The following KIDINS220 variants were observed in gnomAD, a reference collection of about 807,000 sequenced individuals.
KIDINS220 encodes kinase D-interacting substrate of 220 kDa.
Under a neutral mutation model 157.6 loss-of-function variants are expected in KIDINS220, and 63 were observed. The ratio of observed to expected loss-of-function variants is 0.40; its 90% CI spans 0.33 to 0.49. KIDINS220 has a LOEUF of 0.49. Ranked by LOEUF, KIDINS220 falls within the 20% of genes least tolerant of loss-of-function variation. The pLI, the probability that KIDINS220 is intolerant of heterozygous loss-of-function variation, is 0.66. For missense variants in KIDINS220, 1,772 were observed against 2,171.2 expected (o/e 0.82, Z 3.65); for synonymous variants, 732 against 783.6 (o/e 0.93, Z 1.10).
At chr2:8,777,140 A>G (rs1671075203) in intron 20 of KIDINS220, among the ~76,000 whole-genome samples, 1 of 152,212 alleles carries the variant, frequency 6.6e-6, no homozygotes. Context: ...TTACAGTGGT[A>G]CAGTTAGAGG....
intron 21 of KIDINS220, among the ~76,000 whole-genome samples, chr2:8,772,440 C>T (rs1670353564): frequency 6.6e-6 from 1 of 151,764 alleles, no homozygotes; most frequent in South Asian, 2.1e-4. Flanking sequence ...CACACCACCG[C>T]ACTCCAGCCT....
intron 25 of KIDINS220, 178 bp from the exon 26 acceptor site, chr2:8,747,379 T>C: frequency 1.7e-6 from 1 of 584,496 alleles, no homozygotes; most frequent in Non-Finnish European, 3.0e-6. Context: ...ACTATTACTT[T>C]TATCATCAGG....
intron 22 of KIDINS220, among the ~76,000 whole-genome samples, chr2:8,769,292 C>T (rs1003070316): frequency 2.0e-5 from 3 of 152,180 alleles, no homozygotes; most frequent in African/African-American, 7.2e-5. Context: ...CCCAAGTTTA[C>T]AAATTTCTTG....
chr2:8,756,159 T>G (rs1357680481), intron 22 of KIDINS220, among the ~76,000 whole-genome samples: 1 of 152,234 alleles, frequency 6.6e-6, no homozygotes, highest in Non-Finnish European at 1.5e-5. Context: ...TTTAGCAATT[T>G]TTTTAAGTTG....
chr2:8,746,588 T>C (rs951819049), intron 26 of KIDINS220: 1 of 151,994 alleles, frequency 6.6e-6, no homozygotes, highest in African/African-American at 2.4e-5. Flanking sequence ...AAAATTTATT[T>C]TAACAAATAT....
intron 27 of KIDINS220, 23 bp from the exon 28 acceptor site, chr2:8,734,776 A>AATTTTGTTTGCC: frequency 6.6e-7 from 1 of 1,505,222 alleles, no homozygotes; most frequent in Admixed American, 1.7e-5. Flanking sequence ...TAAAACAATT[A>AATTTTGTTTGCC]TGGGTATAAA....
chr2:8,744,808 C>G (rs1017553751), intron 26 of KIDINS220, among the ~76,000 whole-genome samples: 16 of 151,868 alleles, frequency 1.1e-4, no homozygotes. Flanking sequence ...TTCTAGGCTT[C>G]GACAAAACAA....
At chr2:8,748,412 A>G (rs1299250411) in intron 24 of KIDINS220, among the ~76,000 whole-genome samples, 1 of 152,222 alleles carries the variant, frequency 6.6e-6, no homozygotes, top group East Asian at 1.9e-4. Context: ...TAGCCTAAAT[A>G]AGACCAAAAA....
At chr2:8,774,704 G>A (rs1670728969) in intron 21 of KIDINS220, among the ~76,000 whole-genome samples, 1 of 152,220 alleles carries the variant, frequency 6.6e-6, no homozygotes, top group African/African-American at 2.4e-5. Context: ...AGGGATGGAG[G>A]AGGAGAATGG....
At chr2:8,726,020 G>A (rs1040816438), downstream of KIDINS220, among the ~76,000 whole-genome samples, 1 of 152,182 alleles carries the variant, frequency 6.6e-6, no homozygotes, top group Admixed American at 6.5e-5. Flanking sequence ...TATTTCGTGT[G>A]CTTTGAAGCA....
intron 3 of KIDINS220, 142 bp downstream of exon 3, chr2:8,818,553 T>A (rs1027786526): frequency 2.4e-5 from 13 of 549,868 alleles, no homozygotes; most frequent in African/African-American, 1.8e-4. Flanking sequence ...TTACTCCTTT[T>A]AAAAAAAACT....
chr2:8,750,706 T>C (rs778293089), intron 23 of KIDINS220, among the ~76,000 whole-genome samples: 1 of 152,230 alleles, frequency 6.6e-6, no homozygotes, highest in African/African-American at 2.4e-5. Context: ...TTAACACATA[T>C]AATGTTAGCA....
At chr2:8,726,913 A>G (rs1004648959), downstream of KIDINS220, 1 of 1,289,112 alleles carries the variant, frequency 7.8e-7, no homozygotes, top group Non-Finnish European at 1.0e-6. Context: ...TCCTCTGAAG[A>G]GCTATCTATC....
At chr2:8,756,135 C>A (rs1042304603) in intron 22 of KIDINS220, among the ~76,000 whole-genome samples, 3 of 152,164 alleles carry the variant, frequency 2.0e-5, no homozygotes, top group African/African-American at 7.2e-5. Flanking sequence ...TTATTTAGAT[C>A]TTCTTTAAAT....
chr2:8,818,959 T>C (rs1238924001), intron 2 of KIDINS220, among the ~76,000 whole-genome samples, 166 bp from the exon 3 acceptor site: 2 of 152,238 alleles, frequency 1.3e-5, no homozygotes, highest in Non-Finnish European at 2.9e-5. Flanking sequence ...TTCAGTTTAC[T>C]AATAATTTAA....
intron 17 of KIDINS220, among the ~76,000 whole-genome samples, chr2:8,785,227 T>C (rs1672236946): frequency 6.6e-6 from 1 of 151,938 alleles, no homozygotes; most frequent in Non-Finnish European, 1.5e-5. Context: ...TAAAAAGAAA[T>C]GGTAGCCAGG....
At position 8,731,687 on chromosome 2, in the gene KIDINS220, A is replaced by G. The variant is rs753200079; in HGVS notation, c.4349T>C (p.Phe1450Ser). The G allele has an allele frequency of 1.7e-5, 27 of 1,614,086 alleles. No homozygotes were observed. Among genetic ancestry groups the G allele is most frequent in the Non-Finnish European group, 2.3e-5 (27 of 1,180,038 alleles). ...GATAACATCTCCCCTCTTCATTAGA[A>G]AGGACTTCCTCCCATCATCGGGCTT... is the stretch of plus-strand genomic sequence containing the variant. ...EPKPDDGRKS[F>S]LMKRGDVIDY... Residue 1450 changes from phenylalanine (F) to serine (S), a missense_variant, in exon 30 of 30, where the codon TTT becomes TCT. Physicochemically the swap from Phe to Ser is radical, Grantham distance 155 (BLOSUM62 -2). Transcript: ENST00000256707. This position sits in a 1 kb window ranked among gnomAD's most constrained non-coding sequence, Gnocchi z 5.2.
chr2:8,826,707 G>T, intron 2 of KIDINS220: 1 of 216,962 alleles, frequency 4.6e-6, no homozygotes, highest in Non-Finnish European at 9.0e-6. Context: ...AAGTTTCACA[G>T]AAGTACTTGA....
intron 6 of KIDINS220, among the ~76,000 whole-genome samples, chr2:8,807,666 C>A (rs1675654002): frequency 6.6e-6 from 1 of 152,180 alleles, no homozygotes; most frequent in Admixed American, 6.5e-5. Context: ...GGCTGGAGCC[C>A]TGGACAGGCT....
Sources: allele counts gnomAD v4.1 joint callset (sites outside exome capture counted in the v4.1 genomes callset), GRCh38; gene constraint gnomAD v4.1.1; non-coding constraint Gnocchi (gnomAD v3.1); transcripts MANE v1.5; gene names NCBI Gene and HGNC (gene_info 2026-07-23, HGNC 2026-07-21).